Variants in SIRPG observed in about 807,000 individuals in gnomAD.
The protein encoded by SIRPG is signal-regulatory protein gamma.
A neutral mutation model predicts 35.7 loss-of-function variants in SIRPG; 38 were observed. That is an observed-to-expected ratio of 1.06 (90% confidence interval 0.82 to 1.40). SIRPG has a LOEUF of 1.40. Among genes scored for constraint, SIRPG ranks in the 40% most tolerant of loss-of-function variants. The pLI is 0.00. For synonymous variants in SIRPG, 215 were observed against 190.4 expected, an observed-to-expected ratio of 1.13 and a Z score of -1.06; for missense variants, 519 against 483.0, an observed-to-expected ratio of 1.07 and a Z score of -0.70.
the SIRPG span, among the ~76,000 whole-genome samples, chr20:1,685,605 T>C: frequency 6.6e-6 from 1 of 152,134 alleles, no homozygotes; most frequent in East Asian, 1.9e-4. Context: ...CAGTCTGTAG[T>C]ACTTTGTTAT....
chr20:1,630,206 C>A lies in SIRPG; in HGVS notation c.*2+16G>T, dbSNP rs369504846. On this transcript the variant is annotated intron_variant, in intron 5 of 5. Coordinates refer to ENST00000303415, the MANE Select transcript of SIRPG (RefSeq NM_018556.4). ...CTGAGACAGCCCTTGGTCTGTCCTC[C>A]CTTCCTTGTACTTACAGTCAGGTCT... 2.3e-4 allele frequency: 355 copies of A among 1,543,902 alleles called. No homozygotes were observed. In the Middle Eastern group the frequency reaches 5.3e-3, roughly 23 times the overall value.
the SIRPG span, among the ~76,000 whole-genome samples, chr20:1,681,108 G>A: frequency 6.6e-6 from 1 of 152,144 alleles, no homozygotes; most frequent in African/African-American, 2.4e-5. Context: ...TGTTTCTGTT[G>A]AATTTGGAGA....
chr20:1,651,722 G>C (rs1238490753), intron 1 of SIRPG, among the ~76,000 whole-genome samples: 1 of 152,028 alleles, frequency 6.6e-6, no homozygotes, highest in Admixed American at 6.6e-5. Context: ...AATTTGAGAA[G>C]GTTTTTTTTT....
chr20:1,662,667 G>A (rs1438307236), upstream of SIRPG, among the ~76,000 whole-genome samples: 1 of 152,152 alleles, frequency 6.6e-6, no homozygotes, highest in African/African-American at 2.4e-5. Flanking sequence ...CAACAATTAT[G>A]AGGATCACAG....
chr20:1,647,734 T>A (rs1310596800), intron 2 of SIRPG: 1 of 152,222 alleles, frequency 6.6e-6, no homozygotes, highest in East Asian at 1.9e-4. Context: ...CAGTTCTATG[T>A]CCTGACGTGG....
the SIRPG span, among the ~76,000 whole-genome samples, chr20:1,680,942 AG>A: frequency 6.6e-6 from 1 of 152,228 alleles, no homozygotes. Context: ...AAGGAACAAA[AG>A]GGAAACTACT....
At chr20:1,650,870 C>A (rs1292300484) in intron 1 of SIRPG, among the ~76,000 whole-genome samples, 1 of 152,140 alleles carries the variant, frequency 6.6e-6, no homozygotes, top group South Asian at 2.1e-4. Context: ...GGGAGAGAAA[C>A]GATTCCTCAC....
the SIRPG span, among the ~76,000 whole-genome samples, chr20:1,665,782 C>T: frequency 6.6e-6 from 1 of 152,176 alleles, no homozygotes; most frequent in East Asian, 1.9e-4. Context: ...GTTTAAAAGC[C>T]CTTTGTTTTT....
At position 1,630,355 on chromosome 20, in the gene SIRPG, C is replaced by T. The variant is rs570329100; in HGVS notation, c.1082-49G>A. 7 of 1,451,144 alleles carry T rather than the reference C, an allele frequency of 4.8e-6. No individual in the cohort carries two copies. The South Asian group carries it at 4.9e-5, about 10-fold the overall frequency. 89.9% of individuals were successfully genotyped at this position (1,451,144 alleles called of 1,614,324 possible). A position where few individuals can be genotyped will look rare whatever the true frequency, so the allele number is the denominator to read the frequency against. On this transcript the variant is annotated intron_variant, in intron 4 of 5. Transcript: ENST00000303415. Reference sequence around the variant, plus strand: ...GCTATGAGAGAGACCACTTGGGAGGCCATTGTAGGGGCCTCCACTTACCCC... The same window carrying T: ...GCTATGAGAGAGACCACTTGGGAGGTCATTGTAGGGGCCTCCACTTACCCC...
intron 1 of SIRPG, 137 bp downstream of exon 1, chr20:1,657,505 T>C (rs2091982362): frequency 2.4e-6 from 2 of 839,184 alleles, no homozygotes; most frequent in Non-Finnish European, 3.9e-6. Flanking sequence ...AGCTCCCTGA[T>C]CTTCTGCTCT....
At chr20:1,670,694 T>G in the SIRPG span, among the ~76,000 whole-genome samples, 1 of 152,130 alleles carries the variant, frequency 6.6e-6, no homozygotes, top group Admixed American at 6.5e-5. Context: ...TACCACCTGG[T>G]GGGTGGACAT....
rs757162144 is a variant in SIRPG at position 1,649,356 on chromosome 20, C to A, written c.126G>T (p.Leu42Phe). 3.7e-6 allele frequency: 6 copies of A among 1,613,624 alleles called. No homozygotes were observed. The highest frequency in any genetic ancestry group is 5.1e-6 in the Non-Finnish European group (6 of 1,179,862). ...LQMIQPEKLL[L>F]VTVGKTATLH... is the part of the protein sequence containing the mutation. Reference sequence around the variant, plus strand: ...GAGTGGCTGTCTTTCCAACTGTGACCAACAGGAGCTTCTCAGGCTGAATCA... The same window carrying A: ...GAGTGGCTGTCTTTCCAACTGTGACAAACAGGAGCTTCTCAGGCTGAATCA... Residue 42 changes from leucine (L) to phenylalanine (F), a missense_variant, in exon 2 of 6, where the codon TTG becomes TTT. By Grantham distance (22) the Leu-to-Phe change is conservative. Transcript: ENST00000303415.
chr20:1,658,876 G>A (rs2091988415), upstream of SIRPG, among the ~76,000 whole-genome samples: 1 of 152,052 alleles, frequency 6.6e-6, no homozygotes, highest in South Asian at 2.1e-4. Flanking sequence ...TTGGACTCTC[G>A]CTGCCACCCT....
At chr20:1,633,490 T>G (rs1340630852) in intron 4 of SIRPG, 1 of 152,222 alleles carries the variant, frequency 6.6e-6, no homozygotes, top group Non-Finnish European at 1.5e-5. Flanking sequence ...GATACTGGTT[T>G]TGTTATGCTG....
chr20:1,631,136 C>T (rs139529398), intron 4 of SIRPG, among the ~76,000 whole-genome samples: 7 of 152,208 alleles, frequency 4.6e-5, no homozygotes, highest in Non-Finnish European at 7.4e-5. Context: ...ACATTTTTAA[C>T]GCGAGCAGTT....
intron 2 of SIRPG, among the ~76,000 whole-genome samples, chr20:1,640,701 A>G (rs1289279952): frequency 1.3e-5 from 2 of 152,156 alleles, no homozygotes; most frequent in African/African-American, 2.4e-5. Flanking sequence ...TTCAAGGGGA[A>G]TGTTTCCAGC....
At chr20:1,677,769 T>C in the SIRPG span, among the ~76,000 whole-genome samples, 1 of 152,146 alleles carries the variant, frequency 6.6e-6, no homozygotes, top group Non-Finnish European at 1.5e-5. Context: ...CAGGGTGAAG[T>C]GCAGGGAGGT....
the SIRPG span, chr20:1,665,216 G>A: frequency 6.4e-6 from 1 of 156,406 alleles, no homozygotes; most frequent in Non-Finnish European, 1.4e-5. Context: ...GTGTGAGCTG[G>A]GCCCTCCGGC....
intron 3 of SIRPG, among the ~76,000 whole-genome samples, 164 bp downstream of exon 3, chr20:1,636,024 A>G (rs950300274): frequency 2.6e-5 from 4 of 152,202 alleles, no homozygotes; most frequent in African/African-American, 9.7e-5. Flanking sequence ...ACCGCTGCCA[A>G]TAAAATGATA....
Sources: gnomAD v4.1 joint callset for allele counts (sites outside exome capture counted in the v4.1 genomes callset) on GRCh38, gnomAD v4.1.1 for gene constraint, MANE v1.5 for transcripts, NCBI Gene and HGNC (gene_info 2026-07-23, HGNC 2026-07-21) for gene names.